ZNF114: variants seen among roughly 807,000 people sequenced by gnomAD.
ZNF114 encodes zinc finger protein 114, also known as zinc finger protein 114 (Y18).
A neutral mutation model predicts 6.8 loss-of-function variants in ZNF114; 8 were observed. That is an observed-to-expected ratio of 1.18 (90% CI 0.69 to 2.13). ZNF114 has a LOEUF of 2.13. Ranked by LOEUF, ZNF114 falls within the 30% of genes most tolerant of loss-of-function variation. The probability of loss-of-function intolerance (pLI) is 0.00; values close to 1 mark genes in which losing one functional copy is unlikely to be tolerated. For missense variants in ZNF114, 472 were observed against 519.5 expected, an observed-to-expected ratio of 0.91 and a Z score of 0.89; for synonymous variants, 169 against 185.5, an observed-to-expected ratio of 0.91 and a Z score of 0.72.
At chr19:48,278,121 A>T (rs550336231) in intron 3 of ZNF114, among the ~76,000 whole-genome samples, 16 of 152,156 alleles carry the variant, frequency 1.1e-4, no homozygotes, top group Middle Eastern at 3.4e-3. Flanking sequence ...TTTTTAGTAG[A>T]GACAGGGTTT....
At chr19:48,274,070 A>G (rs1429288471) in intron 3 of ZNF114, among the ~76,000 whole-genome samples, 1 of 150,638 alleles carries the variant, frequency 6.6e-6, no homozygotes, top group Non-Finnish European at 1.5e-5. Context: ...ATATATGTAT[A>G]TATATTTTTA....
In ZNF114 at chr19:48,286,292, G is replaced by A. The variant is rs777305818; in HGVS notation, c.668G>A (p.Arg223Gln). ...EIDTGANRHQ[R>Q]NPFGKAFRED... ...GATACGGGGGCCAACAGGCACCAGC[G>A]GAATCCATTTGGAAAAGCTTTCCGT... Residue 223 changes from arginine (R) to glutamine (Q), a missense_variant, in exon 6 of 6, where the codon CGG becomes CAG. Arg to Gln is a conservative substitution (Grantham distance 43). Transcript: ENST00000595607. The A allele has an allele frequency of 8.1e-6, 13 of 1,614,150 alleles. No homozygotes were observed. The highest frequency in any genetic ancestry group is 7.7e-5 in the South Asian group (7 of 91,070).
chr19:48,275,680 C>T (rs1967810311), intron 3 of ZNF114, among the ~76,000 whole-genome samples: 1 of 151,858 alleles, frequency 6.6e-6, no homozygotes, highest in South Asian at 2.1e-4. Context: ...GTGGTGTGTT[C>T]ATCACATCAG....
Position 48,286,108 on chromosome 19 carries a change from C to T in ZNF114, c.484C>T (p.Pro162Ser). 1 of 1,614,126 alleles carries T rather than the reference C, an allele frequency of 6.2e-7. No homozygotes were observed. ...TRDSSIFKYN[P>S]VLNDSQKTHE... ...TGACTCAAGTATTTTCAAGTATAATCCTGTCTTAAACGATAGTCAAAAAAC... is the reference window on the plus strand; with the variant it reads ...TGACTCAAGTATTTTCAAGTATAATTCTGTCTTAAACGATAGTCAAAAAAC... The change falls in exon 6 of 6, where the codon CCT (proline) becomes TCT (serine). Residue 162 changes from proline to serine, a missense_variant. Coordinates refer to ENST00000595607, the MANE Select transcript of ZNF114 (RefSeq NM_153608.4).
Position 48,287,094 on chromosome 19 carries a change from G to A in ZNF114, c.*216G>A, listed in dbSNP as rs913607432. On this transcript the variant is annotated 3_prime_UTR_variant, in exon 6 of 6. Coordinates refer to ENST00000595607, the MANE Select transcript of ZNF114 (RefSeq NM_153608.4). The stretch of plus-strand genomic sequence containing the variant: ...AGTAGACATTTGTTCTCACCCTGGA[G>A]AGAAACTGCGAATCTAAAAGGAATA... 1 of 417,656 alleles carries A rather than the reference G, an allele frequency of 2.4e-6. No individual in the cohort carries two copies. The highest frequency in any genetic ancestry group is 4.1e-6 in the Non-Finnish European group (1 of 243,214). The allele number at this position is 417,656 out of a possible 1,614,324, so 25.9% of individuals were successfully genotyped here.
chr19:48,280,236 T>G (rs1967954117), intron 4 of ZNF114, among the ~76,000 whole-genome samples: 1 of 151,772 alleles, frequency 6.6e-6, no homozygotes, highest in Non-Finnish European at 1.5e-5. Flanking sequence ...TAAAACAAAT[T>G]TGCCTGGTGT....
chr19:48,276,364 C>CT (rs1967833370), intron 3 of ZNF114, among the ~76,000 whole-genome samples: 1 of 151,272 alleles, frequency 6.6e-6, no homozygotes, highest in Non-Finnish European at 1.5e-5. Context: ...CAGCCTTAGG[C>CT]CACTGCACCT....
intron 4 of ZNF114, 143 bp from the exon 5 acceptor site, chr19:48,282,228 A>G: frequency 8.5e-7 from 1 of 1,171,026 alleles, no homozygotes; most frequent in Non-Finnish European, 1.2e-6. Flanking sequence ...TGACATCTGC[A>G]AAGACTCTAG....
At position 48,270,726 on chromosome 19, in the gene ZNF114, AAG is replaced by A. The variant is rs1416722162; in HGVS notation, c.-377+511_-377+512del. ...GGAAAAGAAAGAAAGAGAAGAAAGA[AAG>A]AGAAAAAAGGGAAAGAAAGAAAAGA... On this transcript the variant is annotated intron_variant, in intron 1 of 5. Transcript: ENST00000595607. Among the ~76,000 whole-genome samples, 6 of 150,074 alleles carry A rather than the reference AAG, an allele frequency of 4.0e-5. No homozygotes were observed. The South Asian group carries it at 8.4e-4, about 21-fold the overall frequency.
At chr19:48,282,273 G>A in intron 4 of ZNF114, 98 bp from the exon 5 acceptor site, 1 of 1,534,884 alleles carries the variant, frequency 6.5e-7, no homozygotes, top group African/African-American at 1.4e-5. Flanking sequence ...GGTACCAAGG[G>A]TTAAGACCTC....
At chr19:48,277,794 G>GGGGTGTGTGTGTGTGTGTGTGTGT (rs1330052475) in intron 3 of ZNF114, among the ~76,000 whole-genome samples, 2,296 of 119,350 alleles carry the variant, frequency 0.019, 77 homozygotes, top group South Asian at 0.027. Flanking sequence ...GGAGGCATTG[G>GGGGTGTGTGTGTGTGTGTGTGTGT]GTGTGTGTGT....
In ZNF114 at chr19:48,285,844, G is replaced by C; in HGVS notation, c.220G>C (p.Val74Leu). The C allele has an allele frequency of 6.2e-7, 1 of 1,614,200 alleles. No homozygotes were observed. The highest frequency in any genetic ancestry group is 8.5e-7 in the Non-Finnish European group (1 of 1,180,044). The change falls in exon 6 of 6, where the codon GTG becomes CTG. Residue 74 changes from valine to leucine, a missense_variant. By Grantham distance (32) the Val-to-Leu change is conservative (BLOSUM62 1). Coordinates refer to ENST00000595607, the MANE Select transcript of ZNF114 (RefSeq NM_153608.4). Reference sequence around the variant, plus strand: ...AAGAACATTTCCTGAAGCCAACAGAGTGTGTCTCACGAGCATCAGTTCCCA... The same window carrying C: ...AAGAACATTTCCTGAAGCCAACAGACTGTGTCTCACGAGCATCAGTTCCCA... ...PKRTFPEANR[V>L]CLTSISSQHS...
rs57823987 is a variant in ZNF114, at chr19:48,272,673, CAAAAAAAAA to C, written c.-70+862_-70+870del. ...TGGGCGACAGAGCAAGACTCTCTCT[CAAAAAAAAA>C]AAAAAAAAAAAAAAAAGTATTGGAT... On this transcript the variant is annotated intron_variant, in intron 3 of 5. Transcript: ENST00000595607. 2.0e-3 allele frequency among the ~76,000 whole-genome samples: 80 copies of C among 39,230 alleles called. 2 individuals are homozygous for C. Among genetic ancestry groups the C allele is most frequent in the Non-Finnish European group, 2.8e-3 (67 of 23,874 alleles). The allele number at this position is 39,230 out of a possible 152,430, so 25.7% of individuals were successfully genotyped here.
intron 3 of ZNF114, among the ~76,000 whole-genome samples, chr19:48,272,761 G>A (rs1967703246): frequency 1.4e-5 from 2 of 142,764 alleles, no homozygotes; most frequent in Non-Finnish European, 3.0e-5. Flanking sequence ...GGCCAGACGT[G>A]CAGGATGCAC....
intron 3 of ZNF114, 75 bp from the exon 4 acceptor site, chr19:48,279,656 T>C: frequency 9.9e-7 from 1 of 1,010,150 alleles, no homozygotes; most frequent in Non-Finnish European, 1.5e-6. Context: ...CTGAGATTAA[T>C]GTCAGGCAGG....
At chr19:48,271,056 A>AAAG (rs1466984151) in intron 1 of ZNF114, 189 bp from the exon 2 acceptor site, 1 of 102,644 alleles carries the variant, frequency 9.7e-6, no homozygotes, top group Non-Finnish European at 2.4e-5. Context: ...ACTCCGTCTC[A>AAAG]AAAAAAAAAA....
rs556487406 is a variant in ZNF114, at chr19:48,282,217, T to C, written c.10-154T>C. ...CCGGCCACAACCTCATCTTAATTCATTGACATCTGCAAAGACTCTAGTTCA... is the reference window on the plus strand; with the variant it reads ...CCGGCCACAACCTCATCTTAATTCACTGACATCTGCAAAGACTCTAGTTCA... On this transcript the variant is annotated intron_variant, in intron 4 of 5. Coordinates refer to ENST00000595607, the MANE Select transcript of ZNF114 (RefSeq NM_153608.4). 103 of 1,051,200 alleles carry C rather than the reference T, an allele frequency of 9.8e-5. 1 individual carries two copies. The highest frequency in any genetic ancestry group is 9.4e-4 in the South Asian group (61 of 64,826). The allele number at this position is 1,051,200 out of a possible 1,614,324, so 65.1% of individuals were successfully genotyped here. A position where few individuals can be genotyped will look rare whatever the true frequency, so the allele number is the denominator to read the frequency against.
intron 3 of ZNF114, among the ~76,000 whole-genome samples, chr19:48,277,794 G>GGGTGT (rs1330052475): frequency 1.7e-5 from 2 of 119,410 alleles, no homozygotes; most frequent in African/African-American, 3.3e-5. Flanking sequence ...GGAGGCATTG[G>GGGTGT]GTGTGTGTGT....
intron 5 of ZNF114, among the ~76,000 whole-genome samples, chr19:48,283,238 AG>A (rs1211355311): frequency 6.6e-6 from 1 of 152,166 alleles, no homozygotes; most frequent in Non-Finnish European, 1.5e-5. Context: ...ATCCTTATGT[AG>A]GTGAACATGG....
Sources: gnomAD v4.1 joint callset for allele counts (sites outside exome capture counted in the v4.1 genomes callset) on GRCh38, gnomAD v4.1.1 for gene constraint, MANE v1.5 for transcripts, NCBI Gene and HGNC (gene_info 2026-07-23, HGNC 2026-07-21) for gene names.